SBNO1: variants seen among roughly 807,000 people sequenced by gnomAD.
SBNO1 encodes the protein protein strawberry notch homolog 1.
Under a neutral mutation model 173.6 loss-of-function variants are expected in SBNO1, and 23 were observed. The ratio of observed to expected loss-of-function variants is 0.13; its 90% CI spans 0.10 to 0.19. The LOEUF (loss-of-function observed/expected upper bound fraction) is 0.19. Ranked by LOEUF, SBNO1 falls within the 10% of genes least tolerant of loss-of-function variation. SBNO1 has a pLI of 1.00. For synonymous variants in SBNO1, 632 were observed against 571.5 expected (o/e 1.11, Z -1.51); for missense variants, 1,238 against 1,671.2 (o/e 0.74, Z 4.52).
At chr12:123,314,974 C>T (rs78833158) in intron 23 of SBNO1, among the ~76,000 whole-genome samples, 1 of 151,556 alleles carries the variant, frequency 6.6e-6, no homozygotes, top group Non-Finnish European at 1.5e-5. Flanking sequence ...AACTCCTGAC[C>T]TCAAGTGATC....
At position 123,295,628 on chromosome 12, in the gene SBNO1, T is replaced by C. The variant is rs1477997421; in HGVS notation, c.*280A>G. 13 of 347,706 alleles carry C rather than the reference T, an allele frequency of 3.7e-5. No individual in the cohort carries two copies. The highest frequency in any genetic ancestry group is 6.1e-5 in the African/African-American group (3 of 48,944). The allele number at this position is 347,706 out of a possible 1,614,324, so 21.5% of individuals were successfully genotyped here. A position where few individuals can be genotyped will look rare whatever the true frequency, so the allele number is the denominator to read the frequency against. The stretch of plus-strand genomic sequence containing the variant: ...GCCTTTAACACACTCACAAACAGAC[T>C]GACACACACGCACACACACATCCCC... On this transcript the variant is annotated 3_prime_UTR_variant, in exon 32 of 32. Coordinates refer to ENST00000602398, the MANE Select transcript of SBNO1 (RefSeq NM_001167856.3).
At chr12:123,311,720 C>CTATATA (rs56718635) in intron 24 of SBNO1, among the ~76,000 whole-genome samples, 153 of 127,424 alleles carry the variant, frequency 1.2e-3, no homozygotes, top group African/African-American at 3.7e-3. Context: ...ATCTATCTAT[C>CTATATA]TATATATATA....
chr12:123,322,687 C>G (rs964116507), intron 16 of SBNO1, among the ~76,000 whole-genome samples: 17 of 151,442 alleles, frequency 1.1e-4, no homozygotes, highest in Non-Finnish European at 2.2e-4. Flanking sequence ...GGGTGCATTG[C>G]TTAAGCTCAG....
At chr12:123,353,489 A>C (rs116999309) in intron 1 of SBNO1, among the ~76,000 whole-genome samples, 182 of 152,314 alleles carry the variant, frequency 1.2e-3, no homozygotes, top group Non-Finnish European at 2.1e-3. Context: ...TGGAGGGGGA[A>C]TAAAGTATTA....
At chr12:123,364,054 G>A (rs184984189) in intron 1 of SBNO1, 6 of 985,432 alleles carry the variant, frequency 6.1e-6, no homozygotes, top group Admixed American at 6.1e-5. Context: ...TAATTCTTAG[G>A]GTCTGGGAGG....
chr12:123,325,605 GA>G lies in SBNO1; in HGVS notation c.1876-7del. 6.5e-7 allele frequency: 1 copy of G among 1,544,400 alleles called. No individual in the cohort carries two copies. The highest frequency in any genetic ancestry group is 8.9e-7 in the Non-Finnish European group (1 of 1,122,666). On this transcript the variant is annotated splice_region_variant and splice_polypyrimidine_tract_variant and intron_variant, in intron 14 of 31. Coordinates refer to ENST00000602398, the MANE Select transcript of SBNO1 (RefSeq NM_001167856.3). The stretch of plus-strand genomic sequence containing the variant: ...TGCAGACCAATTACAACACACTGGA[GA>G]AAAAAGAAAACATGTTAATTATGAA...
intron 1 of SBNO1, among the ~76,000 whole-genome samples, chr12:123,359,587 T>C (rs1412389052): frequency 6.6e-6 from 1 of 151,734 alleles, no homozygotes; most frequent in Non-Finnish European, 1.5e-5. Flanking sequence ...TATAGTTGTA[T>C]GGGTATATGT....
At chr12:123,310,934 C>T in intron 25 of SBNO1, 121 bp downstream of exon 25, 2 of 742,642 alleles carry the variant, frequency 2.7e-6, no homozygotes, top group Non-Finnish European at 2.3e-6. Context: ...CCCACAGCAG[C>T]CAAAACCACC....
chr12:123,297,400 CAAAAAAA>C (rs59447456), intron 31 of SBNO1, among the ~76,000 whole-genome samples: 1 of 31,514 alleles, frequency 3.2e-5, no homozygotes, highest in African/African-American at 1.1e-4. Context: ...TACTGGTGTC[CAAAAAAA>C]AAAAAAAAAA....
At chr12:123,330,387 T>C (rs369684871) in intron 9 of SBNO1, 32 bp downstream of exon 9, 41 of 1,243,462 alleles carry the variant, frequency 3.3e-5, no homozygotes, top group Admixed American at 5.4e-5. Context: ...CAATATTTAT[T>C]GAATGACCAA....
At chr12:123,306,069 T>A (rs1048096568) in intron 28 of SBNO1, among the ~76,000 whole-genome samples, 1 of 152,250 alleles carries the variant, frequency 6.6e-6, no homozygotes, top group African/African-American at 2.4e-5. Context: ...TCATGGATAT[T>A]AAAGACCCTT....
intron 30 of SBNO1, among the ~76,000 whole-genome samples, chr12:123,301,602 G>T (rs942033014): frequency 6.6e-6 from 1 of 152,186 alleles, no homozygotes. Context: ...GTCACAAAGT[G>T]AACACTGTAA....
At position 123,345,321 on chromosome 12, in the gene SBNO1, G is replaced by C. The variant is rs774269939; in HGVS notation, c.487C>G (p.Leu163Val). The change falls in exon 4 of 32, where the codon CTT becomes GTT. Residue 163 changes from leucine (L) to valine (V), a missense_variant. Around this residue, in one of 14 missense-constraint regions of SBNO1, gnomAD observed 287 missense variants for 274.1 expected, o/e 1.05. Transcript: ENST00000602398. ...GGCTTTAGTTTCATCAGTTCATTAA[G>C]ACTATTATTTTTCAGTAGATCTTTA... ...QLKDLLKNNSLNELMKLKPPA... is the reference protein window; with the variant it reads ...QLKDLLKNNSVNELMKLKPPA... 1 of 1,614,144 alleles carries C rather than the reference G, an allele frequency of 6.2e-7. No individual in the cohort carries two copies. Among genetic ancestry groups the C allele is most frequent in the Non-Finnish European group, 8.5e-7 (1 of 1,180,002 alleles).
chr12:123,302,713 CAATACTT>C lies in SBNO1; in HGVS notation c.3845+104_3845+110del, dbSNP rs1445052781. The C allele has an allele frequency of 7.9e-6, 6 of 762,264 alleles. No individual in the cohort carries two copies. The East Asian group carries it at 1.5e-4, about 19-fold the overall frequency. The allele number at this position is 762,264 out of a possible 1,614,324, so 47.2% of individuals were successfully genotyped here. A position where few individuals can be genotyped will look rare whatever the true frequency, so the allele number is the denominator to read the frequency against. ...TCCTGATGGAACACACCACGCCTGA[CAATACTT>C]AATCTGTTAGTTAATTCATGAGGAC... On this transcript the variant is annotated intron_variant, in intron 30 of 31. Coordinates refer to ENST00000602398, the MANE Select transcript of SBNO1 (RefSeq NM_001167856.3).
chr12:123,357,560 A>G (rs1334246477), intron 1 of SBNO1, among the ~76,000 whole-genome samples: 1 of 151,016 alleles, frequency 6.6e-6, no homozygotes, highest in Non-Finnish European at 1.5e-5. Context: ...GGCCAACATG[A>G]TGAAACCCCA....
At chr12:123,363,987 G>C (rs889573614) in intron 1 of SBNO1, 1 of 985,510 alleles carries the variant, frequency 1.0e-6, no homozygotes, top group Non-Finnish European at 1.2e-6. Flanking sequence ...CTGGATGCTC[G>C]TTATGCCAAA....
intron 1 of SBNO1, among the ~76,000 whole-genome samples, chr12:123,356,568 A>C (rs1046842378): frequency 6.6e-6 from 1 of 152,196 alleles, no homozygotes; most frequent in Non-Finnish European, 1.5e-5. Flanking sequence ...CAGACTCCAG[A>C]GTAGCTGGTA....
intron 1 of SBNO1, among the ~76,000 whole-genome samples, chr12:123,356,708 T>C (rs1874502819): frequency 6.6e-6 from 1 of 152,210 alleles, no homozygotes; most frequent in Admixed American, 6.5e-5. Flanking sequence ...CCTCCCACAG[T>C]GTTGGGATTA....
chr12:123,323,904 A>G (rs577951176), intron 15 of SBNO1, 73 bp from the exon 16 acceptor site: 351 of 1,139,034 alleles, frequency 3.1e-4, no homozygotes, highest in Non-Finnish European at 4.1e-4. Context: ...TATTAAATAT[A>G]TTGAAATATA....
Sources: allele counts gnomAD v4.1 joint callset (sites outside exome capture counted in the v4.1 genomes callset), GRCh38; gene constraint gnomAD v4.1.1; regional missense constraint gnomAD v4.1.1; transcripts MANE v1.5; gene names NCBI Gene and HGNC (gene_info 2026-07-23, HGNC 2026-07-21).